SPATS2L: variants seen among roughly 807,000 people sequenced by gnomAD.
SPATS2L encodes the protein spermatogenesis associated serine rich 2 like, also known as SPATS2-like protein.
SPATS2L carries 30 observed loss-of-function variants against 59.6 expected under a neutral mutation model. The observed-to-expected ratio is 0.50, with a 90% CI of 0.38 to 0.68. The LOEUF (loss-of-function observed/expected upper bound fraction) is 0.68. Ranked by LOEUF, SPATS2L falls within the 30% of genes least tolerant of loss-of-function variation. The probability of loss-of-function intolerance (pLI) is 0.00; values close to 1 mark genes in which losing one functional copy is unlikely to be tolerated. For missense variants in SPATS2L, 615 were observed against 700.0 expected (o/e 0.88, Z 1.37); for synonymous variants, 252 against 263.5 (o/e 0.96, Z 0.42).
chr2:200,453,116 A>G (rs1455147582), intron 8 of SPATS2L, among the ~76,000 whole-genome samples: 2 of 152,188 alleles, frequency 1.3e-5, no homozygotes, highest in African/African-American at 4.8e-5. Flanking sequence ...TTTCTGGGGT[A>G]GACTTCCAAG....
intron 6 of SPATS2L, among the ~76,000 whole-genome samples, chr2:200,436,207 G>A (rs908051324): frequency 5.3e-5 from 8 of 152,118 alleles, no homozygotes; most frequent in African/African-American, 1.9e-4. Context: ...TTAGAGGAAA[G>A]TCACTGGATA....
intron 8 of SPATS2L, 136 bp downstream of exon 8, chr2:200,440,920 C>T: frequency 1.2e-6 from 1 of 849,352 alleles, no homozygotes; most frequent in South Asian, 2.2e-5. Context: ...TTGTTAAGCC[C>T]TGCAGGCAGT....
At chr2:200,391,192 G>A (rs1253897222) in intron 3 of SPATS2L, among the ~76,000 whole-genome samples, 2 of 152,072 alleles carry the variant, frequency 1.3e-5, no homozygotes, top group Non-Finnish European at 2.9e-5. Flanking sequence ...CCACAGTAGA[G>A]CAGCAGTACC....
chr2:200,336,060 A>G (rs2080132838), intron 2 of SPATS2L, among the ~76,000 whole-genome samples: 1 of 152,242 alleles, frequency 6.6e-6, no homozygotes, highest in African/African-American at 2.4e-5. Context: ...CTCACAAACT[A>G]GCAGAATTTT....
intron 8 of SPATS2L, 123 bp downstream of exon 8, chr2:200,440,907 AT>A (rs2084652796): frequency 8.9e-7 from 1 of 1,118,000 alleles, no homozygotes; most frequent in African/African-American, 1.6e-5. Flanking sequence ...TCTCCAGCAA[AT>A]TTTGTTAAGC....
intron 3 of SPATS2L, among the ~76,000 whole-genome samples, chr2:200,410,848 T>C (rs1251699348): frequency 6.6e-6 from 1 of 152,068 alleles, no homozygotes; most frequent in Non-Finnish European, 1.5e-5. Flanking sequence ...AGATAATAGG[T>C]ATTCAAAAAA....
At chr2:200,450,553 C>T (rs1339496818) in intron 8 of SPATS2L, among the ~76,000 whole-genome samples, 1 of 152,178 alleles carries the variant, frequency 6.6e-6, no homozygotes, top group East Asian at 1.9e-4. Context: ...TTCATTCATC[C>T]ACTTAATAGA....
chr2:200,321,634 T>G (rs1162509354), intron 1 of SPATS2L, among the ~76,000 whole-genome samples: 1 of 152,240 alleles, frequency 6.6e-6, no homozygotes, highest in Non-Finnish European at 1.5e-5. Flanking sequence ...AATTTTTAAT[T>G]TATTGTGATC....
At chr2:200,429,314 G>A (rs968567924) in intron 6 of SPATS2L, among the ~76,000 whole-genome samples, 1 of 152,200 alleles carries the variant, frequency 6.6e-6, no homozygotes, top group Non-Finnish European at 1.5e-5. Context: ...GGACCATAAG[G>A]TGTCCACATT....
At chr2:200,466,748 A>G (rs757822959) in intron 9 of SPATS2L, among the ~76,000 whole-genome samples, 8 of 152,226 alleles carry the variant, frequency 5.3e-5, no homozygotes, top group Non-Finnish European at 8.8e-5. Context: ...TATCAAAAGC[A>G]GAGACATTTT....
At chr2:200,409,536 G>T (rs2082803603) in intron 3 of SPATS2L, among the ~76,000 whole-genome samples, 1 of 152,162 alleles carries the variant, frequency 6.6e-6, no homozygotes, top group African/African-American at 2.4e-5. Context: ...TAAATAACAG[G>T]CTGAGAAACA....
chr2:200,329,546 C>A, intron 2 of SPATS2L, 66 bp downstream of exon 2: 1 of 1,389,588 alleles, frequency 7.2e-7, no homozygotes, highest in Non-Finnish European at 1.0e-6. Context: ...TGTCCCTACA[C>A]CTGCAGCTGC....
intron 2 of SPATS2L, among the ~76,000 whole-genome samples, chr2:200,344,596 A>T (rs1309267269): frequency 2.6e-5 from 4 of 152,088 alleles, no homozygotes; most frequent in African/African-American, 9.7e-5. Flanking sequence ...CTGTAATAGG[A>T]TGCTGGGTCA....
chr2:200,425,446 C>T (rs867987220), intron 6 of SPATS2L, among the ~76,000 whole-genome samples: 1 of 152,094 alleles, frequency 6.6e-6, no homozygotes, highest in African/African-American at 2.4e-5. Context: ...GCTAAGAACC[C>T]GGGCTTTAGC....
At chr2:200,425,832 A>G (rs2083540031) in intron 6 of SPATS2L, among the ~76,000 whole-genome samples, 1 of 152,146 alleles carries the variant, frequency 6.6e-6, no homozygotes, top group South Asian at 2.1e-4. Context: ...TTACCAACAT[A>G]ATTCTAGAGT....
At chr2:200,345,668 A>G (rs554961249) in intron 2 of SPATS2L, among the ~76,000 whole-genome samples, 1 of 152,284 alleles carries the variant, frequency 6.6e-6, no homozygotes, top group South Asian at 2.1e-4. Context: ...CTAGCTCCCA[A>G]GTGATGATCA....
chr2:200,414,030 A>G (rs984851891), intron 4 of SPATS2L, among the ~76,000 whole-genome samples: 2 of 152,184 alleles, frequency 1.3e-5, no homozygotes, highest in African/African-American at 4.8e-5. Context: ...TTACTTGCCA[A>G]CATCACCTGC....
intron 12 of SPATS2L, among the ~76,000 whole-genome samples, chr2:200,473,371 G>A (rs1050510211): frequency 5.9e-5 from 9 of 152,164 alleles, no homozygotes; most frequent in African/African-American, 1.2e-4. Flanking sequence ...CTGGGGCCCC[G>A]AAACCAGCCC....
chr2:200,307,037 CG>C, intron 1 of SPATS2L, 115 bp downstream of exon 1: 1 of 896,126 alleles, frequency 1.1e-6, no homozygotes, highest in Non-Finnish European at 1.3e-6. Context: ...TTCCGCAGCC[CG>C]GGCCGCCCAG....
Sources: gnomAD v4.1 joint callset for allele counts (sites outside exome capture counted in the v4.1 genomes callset) on GRCh38, gnomAD v4.1.1 for gene constraint, MANE v1.5 for transcripts, NCBI Gene and HGNC (gene_info 2026-07-23, HGNC 2026-07-21) for gene names.